HPSE2: variants seen among roughly 807,000 people sequenced by gnomAD.
HPSE2 encodes heparanase 2 (inactive).
A neutral mutation model predicts 60.5 loss-of-function variants in HPSE2; 38 were observed. The ratio of observed to expected loss-of-function variants is 0.63; its 90% confidence interval spans 0.48 to 0.82. The LOEUF (loss-of-function observed/expected upper bound fraction) is 0.82. Ranked by LOEUF, HPSE2 falls within the 40% of genes least tolerant of loss-of-function variation. The probability of loss-of-function intolerance (pLI) is 0.00; values close to 1 mark genes in which losing one functional copy is unlikely to be tolerated. For missense variants in HPSE2, 713 were observed against 740.4 expected (o/e 0.96, Z 0.43); for synonymous variants, 295 against 293.2 (o/e 1.01, Z -0.06).
intron 3 of HPSE2, among the ~76,000 whole-genome samples, chr10:98,778,368 G>C (rs969139049): frequency 6.6e-6 from 1 of 150,668 alleles, no homozygotes; most frequent in Non-Finnish European, 1.5e-5. Flanking sequence ...TTTCTCTTAC[G>C]AAGCTCTAAC....
Position 98,957,019 on chromosome 10 carries a change from C to T in HPSE2, c.610+187219G>A, listed in dbSNP as rs1955526750. 2.6e-5 allele frequency among the ~76,000 whole-genome samples: 4 copies of T among 152,132 alleles called. No individual in the cohort carries two copies. The South Asian group carries it at 8.3e-4, about 32-fold the overall frequency. ...GTGCAGGAAAACAGTCTGTTGCATTCCAAGAGTGATGCCATATTGAAGTGA... is the reference window on the plus strand; with the variant it reads ...GTGCAGGAAAACAGTCTGTTGCATTTCAAGAGTGATGCCATATTGAAGTGA... On this transcript the variant is annotated intron_variant, in intron 3 of 11. Coordinates refer to ENST00000370552, the MANE Select transcript of HPSE2 (RefSeq NM_021828.5).
At chr10:99,027,590 A>G (rs538252659) in intron 3 of HPSE2, among the ~76,000 whole-genome samples, 2 of 152,296 alleles carry the variant, frequency 1.3e-5, no homozygotes, top group Non-Finnish European at 2.9e-5. Flanking sequence ...GAAAGGAAGG[A>G]ATACTTCAAA....
At chr10:98,963,939 C>G (rs79640833) in intron 3 of HPSE2, among the ~76,000 whole-genome samples, 2,477 of 149,896 alleles carry the variant, frequency 0.017, 103 homozygotes, top group East Asian at 0.15. Flanking sequence ...CACAGAATAG[C>G]AGAGTCTATT....
At chr10:99,193,989 C>T (rs1470868657) in intron 2 of HPSE2, among the ~76,000 whole-genome samples, 2 of 151,960 alleles carry the variant, frequency 1.3e-5, no homozygotes, top group Admixed American at 6.6e-5. Context: ...TTCTTATCCT[C>T]GGTACATAGG....
At chr10:99,159,811 C>T (rs1846748700) in intron 2 of HPSE2, among the ~76,000 whole-genome samples, 3 of 152,000 alleles carry the variant, frequency 2.0e-5, no homozygotes, top group Admixed American at 6.6e-5. Context: ...AATAATAAAT[C>T]GAACTTCATC....
At chr10:98,904,621 T>G (rs1465675383) in intron 3 of HPSE2, among the ~76,000 whole-genome samples, 1 of 152,158 alleles carries the variant, frequency 6.6e-6, no homozygotes, top group African/African-American at 2.4e-5. Flanking sequence ...TCTACATACA[T>G]AGGGATAAAA....
chr10:99,313,958 C>T, the HPSE2 span, among the ~76,000 whole-genome samples: 6 of 152,088 alleles, frequency 3.9e-5, no homozygotes, highest in East Asian at 9.7e-4. Flanking sequence ...AATAGCATCA[C>T]GTGCTACAGA....
chr10:99,166,488 G>A (rs1304560117), intron 2 of HPSE2, among the ~76,000 whole-genome samples: 4 of 152,050 alleles, frequency 2.6e-5, no homozygotes. Context: ...AGTTTTGTTT[G>A]TTAGACTTCT....
At chr10:99,144,192 T>G (rs745888684) in intron 3 of HPSE2, 46 bp downstream of exon 3, 3 of 1,597,840 alleles carry the variant, frequency 1.9e-6, no homozygotes, top group Non-Finnish European at 2.6e-6. Context: ...AAAAACAAGT[T>G]ACTAACTGAA....
rs1024802339 is a variant in HPSE2, at chr10:98,683,438, G to GA, written c.1004+10461dup. Among the ~76,000 whole-genome samples the GA allele has an allele frequency of 1.5e-3, 228 of 151,344 alleles. 4 individuals carry two copies. The highest frequency in any genetic ancestry group is 5.1e-3 in the African/African-American group (212 of 41,316). On this transcript the variant is annotated intron_variant, in intron 6 of 11. Coordinates refer to ENST00000370552, the MANE Select transcript of HPSE2 (RefSeq NM_021828.5). The stretch of plus-strand genomic sequence containing the variant: ...AAAAAAAGAGGAAAGAAAGAAAAAA[G>GA]AAAAAATAGGAAAAGAAGATAAATA...
intron 3 of HPSE2, among the ~76,000 whole-genome samples, chr10:99,054,703 T>C (rs1354983303): frequency 6.6e-6 from 1 of 152,140 alleles, no homozygotes; most frequent in Non-Finnish European, 1.5e-5. Flanking sequence ...CAATATTTAT[T>C]GTTTTTTGTT....
chr10:98,645,519 G>T (rs1946743642), intron 6 of HPSE2, among the ~76,000 whole-genome samples: 1 of 152,150 alleles, frequency 6.6e-6, no homozygotes, highest in Non-Finnish European at 1.5e-5. Context: ...AATAACTTCA[G>T]TCTGAGTCCA....
At chr10:99,215,796 T>C (rs1414420070) in intron 2 of HPSE2, among the ~76,000 whole-genome samples, 1 of 152,208 alleles carries the variant, frequency 6.6e-6, no homozygotes, top group Non-Finnish European at 1.5e-5. Context: ...CCTTTTGGGC[T>C]AATGAAAATG....
chr10:99,309,167 G>T, the HPSE2 span, among the ~76,000 whole-genome samples: 1 of 152,110 alleles, frequency 6.6e-6, no homozygotes, highest in Non-Finnish European at 1.5e-5. Context: ...AGTTGCCAGG[G>T]GCTGGGTGTA....
intron 3 of HPSE2, among the ~76,000 whole-genome samples, chr10:99,079,964 G>A (rs1205513090): frequency 1.3e-5 from 2 of 152,084 alleles, no homozygotes; most frequent in African/African-American, 4.8e-5. Context: ...AGAATTAGGA[G>A]GTTTCTTTCT....
chr10:98,763,921 T>A (rs2134396084), intron 3 of HPSE2, among the ~76,000 whole-genome samples: 1 of 151,816 alleles, frequency 6.6e-6, no homozygotes, highest in Non-Finnish European at 1.5e-5. Context: ...AATTTGGGGG[T>A]AAAGGTAATA....
the HPSE2 span, among the ~76,000 whole-genome samples, chr10:99,248,632 A>C: frequency 6.6e-6 from 1 of 152,258 alleles, no homozygotes; most frequent in South Asian, 2.1e-4. Flanking sequence ...CCAGCTACAG[A>C]AATTTGCCTA....
chr10:98,619,698 C>T (rs544255975), intron 8 of HPSE2, among the ~76,000 whole-genome samples: 19 of 152,224 alleles, frequency 1.2e-4, no homozygotes, highest in African/African-American at 4.6e-4. Flanking sequence ...TCATAATGTC[C>T]CTTGGGCCTA....
At chr10:99,303,311 C>G in the HPSE2 span, among the ~76,000 whole-genome samples, 130,484 of 152,102 alleles carry the variant, frequency 0.86, 56,358 homozygotes, top group African/African-American at 0.93. Context: ...CATTTGAATT[C>G]ACTCATGGAG....
Sources: gnomAD v4.1 joint callset for allele counts (sites outside exome capture counted in the v4.1 genomes callset) on GRCh38, gnomAD v4.1.1 for gene constraint, MANE v1.5 for transcripts, NCBI Gene and HGNC (gene_info 2026-07-23, HGNC 2026-07-21) for gene names.